The following LARGE1 variants were observed in gnomAD, a reference collection of about 807,000 sequenced individuals.
The protein encoded by LARGE1 is xylosyl- and glucuronyltransferase LARGE1.
In LARGE1, 43 loss-of-function variants were observed where a neutral mutation model predicts 87.6. The observed-to-expected ratio is 0.49, with a 90% confidence interval of 0.38 to 0.63. The LOEUF (loss-of-function observed/expected upper bound fraction) is 0.63, where lower values mean the gene tolerates loss of function less well. LARGE1 is among the 30% of genes least tolerant of loss of function. The probability of loss-of-function intolerance (pLI) is 0.00; values close to 1 mark genes in which losing one functional copy is unlikely to be tolerated. For missense variants in LARGE1, 802 were observed against 1,000.2 expected, an observed-to-expected ratio of 0.80 and a Z score of 2.67; for synonymous variants, 434 against 394.6, an observed-to-expected ratio of 1.10 and a Z score of -1.18.
At chr22:33,314,600 T>G in intron 11 of LARGE1, among the ~76,000 whole-genome samples, 1 of 152,224 alleles carries the variant, frequency 6.6e-6, no homozygotes, top group East Asian at 1.9e-4. Flanking sequence ...GTACAGGCAT[T>G]AGCTCATTTA....
chr22:33,356,389 G>A (rs1277409013), intron 9 of LARGE1, among the ~76,000 whole-genome samples: 2 of 152,190 alleles, frequency 1.3e-5, no homozygotes, highest in Admixed American at 1.3e-4. Flanking sequence ...TGATGTGAAG[G>A]TCAGGTACTA....
chr22:33,081,521 T>A, the LARGE1 span, among the ~76,000 whole-genome samples: 1 of 152,060 alleles, frequency 6.6e-6, no homozygotes, highest in African/African-American at 2.4e-5. Context: ...AAGAAAACAG[T>A]AGGCAATACG....
At position 33,604,544 on chromosome 22, in the gene LARGE1, T is replaced by C. The variant is rs886057461; in HGVS notation, c.506A>G (p.His169Arg). ...SVLFHRRNPL[H>R]FHLIADSIAE... ...AATGGAGTCAGCAATAAGGTGGAAG[T>C]GCAGAGGGTTCCGTCTGTGGGGAGT... Residue 169 changes from histidine to arginine, a missense_variant, in exon 5 of 15, where the codon CAC (histidine) becomes CGC (arginine). His to Arg is a conservative substitution (Grantham distance 29). This residue lies in a region of LARGE1 where 625 missense variants were observed against 841.9 expected (regional missense o/e 0.74). Coordinates refer to ENST00000397394, the MANE Select transcript of LARGE1 (RefSeq NM_133642.5). 2.5e-6 allele frequency: 4 copies of C among 1,613,850 alleles called. No homozygotes were observed. Among genetic ancestry groups the C allele is most frequent in the Non-Finnish European group, 3.4e-6 (4 of 1,179,944 alleles).
At chr22:33,675,597 G>A (rs1176007764) in intron 2 of LARGE1, among the ~76,000 whole-genome samples, 1 of 152,112 alleles carries the variant, frequency 6.6e-6, no homozygotes, top group East Asian at 1.9e-4. Flanking sequence ...GAGATCCAGC[G>A]ATGAGCTGCC....
At chr22:33,266,620 AATGT>A (rs1428607462) in intron 11 of LARGE1, among the ~76,000 whole-genome samples, 1 of 151,714 alleles carries the variant, frequency 6.6e-6, no homozygotes, top group Admixed American at 6.6e-5. Context: ...TAAATAAGAA[AATGT>A]ATATTGTCCA....
chr22:33,470,307 C>T (rs1390195851), intron 6 of LARGE1, among the ~76,000 whole-genome samples: 2 of 152,130 alleles, frequency 1.3e-5, no homozygotes, highest in South Asian at 2.1e-4. Context: ...AAGTTAAATA[C>T]ATCATGGCAT....
intron 12 of LARGE1, among the ~76,000 whole-genome samples, chr22:33,292,681 G>A (rs1008744231): frequency 2.0e-5 from 3 of 152,170 alleles, no homozygotes; most frequent in Non-Finnish European, 4.4e-5. Flanking sequence ...GATATTTCAA[G>A]AGGAGCCAAC....
At chr22:33,232,949 C>G (rs1926081981) in intron 11 of LARGE1, among the ~76,000 whole-genome samples, 1 of 152,180 alleles carries the variant, frequency 6.6e-6, no homozygotes, top group Non-Finnish European at 1.5e-5. Context: ...GTGCTTATGC[C>G]TCTTGTGGCA....
the LARGE1 span, among the ~76,000 whole-genome samples, chr22:33,120,674 G>A: frequency 1.3e-5 from 2 of 151,768 alleles, no homozygotes; most frequent in South Asian, 2.1e-4. Context: ...CTGCCACCAC[G>A]TGCAGCTAAT....
the LARGE1 span, among the ~76,000 whole-genome samples, chr22:33,147,579 G>A: frequency 6.6e-6 from 1 of 152,104 alleles, no homozygotes; most frequent in Non-Finnish European, 1.5e-5. Context: ...GATTTTCCAT[G>A]TAACCTCACC....
Position 33,426,804 on chromosome 22 carries a change from G to A in LARGE1, c.892+5357C>T, listed in dbSNP as rs575650197. 1.5e-3 allele frequency among the ~76,000 whole-genome samples: 235 copies of A among 152,194 alleles called. 1 individual carries two copies. Among genetic ancestry groups the A allele is most frequent in the Middle Eastern group, 6.8e-3 (2 of 294 alleles). On this transcript the variant is annotated intron_variant, in intron 7 of 14. Transcript: ENST00000397394. ...TCTGCCTGTCTCTGCCCTAATTTGG[G>A]GGCTGAATGAAACACGATACATTTT... is the stretch of plus-strand genomic sequence containing the variant.
chr22:33,921,961 G>A (rs1162402075), upstream of LARGE1, among the ~76,000 whole-genome samples: 1 of 152,062 alleles, frequency 6.6e-6, no homozygotes, highest in Admixed American at 6.5e-5. The surrounding 1 kb of genome is among the most constrained non-coding windows in gnomAD (Gnocchi z 4.1). Flanking sequence ...GACGCCGAGA[G>A]CTGCACAACT....
chr22:33,556,450 G>C (rs1055035253), intron 6 of LARGE1, among the ~76,000 whole-genome samples: 1 of 150,458 alleles, frequency 6.6e-6, no homozygotes, highest in Admixed American at 6.7e-5. Flanking sequence ...AAGAGCCTCA[G>C]AAGGTAGTAA....
intron 4 of LARGE1, among the ~76,000 whole-genome samples, chr22:33,606,685 A>G (rs534677071): frequency 6.6e-6 from 1 of 151,928 alleles, no homozygotes; most frequent in Admixed American, 6.6e-5. Context: ...CACTGAGTAC[A>G]CCCTATTTGT....
intron 9 of LARGE1, among the ~76,000 whole-genome samples, chr22:33,353,670 C>A (rs1940618474): frequency 6.6e-6 from 1 of 152,038 alleles, no homozygotes; most frequent in South Asian, 2.1e-4. Context: ...TTTTTGTGAG[C>A]ACTAAAGGAA....
chr22:33,460,956 T>C (rs932836803), intron 6 of LARGE1, among the ~76,000 whole-genome samples: 5 of 152,212 alleles, frequency 3.3e-5, no homozygotes, highest in African/African-American at 1.2e-4. Context: ...GCCAACCATC[T>C]TGTAGCCTGG....
At chr22:33,259,982 C>T (rs1403074715) in intron 11 of LARGE1, among the ~76,000 whole-genome samples, 3 of 152,226 alleles carry the variant, frequency 2.0e-5, no homozygotes, top group African/African-American at 4.8e-5. Context: ...CTTATAACCA[C>T]CCTCAACTCC....
chr22:33,147,598 G>T, the LARGE1 span, among the ~76,000 whole-genome samples: 2 of 152,054 alleles, frequency 1.3e-5, no homozygotes, highest in Non-Finnish European at 2.9e-5. Context: ...CCTAGGTCTC[G>T]CGATTATAGC....
the LARGE1 span, among the ~76,000 whole-genome samples, chr22:33,112,398 C>T: frequency 5.9e-5 from 9 of 152,234 alleles, no homozygotes; most frequent in South Asian, 2.1e-4. Context: ...GGGGATTAAA[C>T]GAGAGAATGC....
Sources: gnomAD v4.1 joint callset for allele counts (sites outside exome capture counted in the v4.1 genomes callset) on GRCh38, gnomAD v4.1.1 for gene constraint, gnomAD v4.1.1 regional missense constraint, Gnocchi (gnomAD v3.1) non-coding constraint, MANE v1.5 for transcripts, NCBI Gene and HGNC (gene_info 2026-07-23, HGNC 2026-07-21) for gene names.